CUX1: variants seen among roughly 807,000 people sequenced by gnomAD.
The protein encoded by CUX1 is cut like homeobox 1, also known as protein CASP.
Under a neutral mutation model 158.8 loss-of-function variants are expected in CUX1, and 31 were observed. That is an observed-to-expected ratio of 0.20 (90% CI 0.15 to 0.26). The LOEUF (loss-of-function observed/expected upper bound fraction) is 0.26. Ranked by LOEUF, CUX1 falls within the 10% of genes least tolerant of loss-of-function variation. The pLI is 1.00. For missense variants in CUX1, 1,589 were observed against 2,014.6 expected, an observed-to-expected ratio of 0.79 and a Z score of 4.04; for synonymous variants, 879 against 862.1, an observed-to-expected ratio of 1.02 and a Z score of -0.34.
intron 4 of CUX1, among the ~76,000 whole-genome samples, chr7:102,087,580 C>G (rs1192387315): frequency 6.7e-6 from 1 of 150,222 alleles, no homozygotes; most frequent in Non-Finnish European, 1.5e-5. Context: ...AACTCCATCT[C>G]AAAAAAAAAG....
chr7:102,248,589 C>T lies in CUX1; in HGVS notation c.4065C>T (p.Pro1355=), dbSNP rs1437210324. 2.0e-6 allele frequency: 3 copies of T among 1,479,920 alleles called. No individual in the cohort carries two copies. The highest frequency in any genetic ancestry group is 2.7e-6 in the Non-Finnish European group (3 of 1,120,026). 91.7% of individuals were successfully genotyped at this position (1,479,920 alleles called of 1,614,324 possible). The part of the protein sequence containing the change: ...EGPGSADTEE[P]KSQGEAEREE... Reference sequence around the variant, plus strand: ...CAGGCAGCGCCGACACCGAGGAGCCCAAGTCTCAGGGAGAGGCCGAGCGGG... The same window carrying T: ...CAGGCAGCGCCGACACCGAGGAGCCTAAGTCTCAGGGAGAGGCCGAGCGGG... Residue 1355 remains proline, a synonymous_variant, in exon 24 of 24, where the codon CCC becomes CCT. Coordinates refer to ENST00000292535, the MANE Select transcript of CUX1 (RefSeq NM_181552.4). The surrounding 1 kb of genome is among the most constrained non-coding windows in gnomAD (Gnocchi z 5.8).
At chr7:102,168,643 CAA>C (rs1167424159) in intron 9 of CUX1, among the ~76,000 whole-genome samples, 12 of 75,618 alleles carry the variant, frequency 1.6e-4, no homozygotes, top group Admixed American at 3.2e-4. Flanking sequence ...GGCTCTGTCT[CAA>C]AAAAAAAAAA....
chr7:101,838,973 G>C (rs1380935710), intron 1 of CUX1, among the ~76,000 whole-genome samples: 1 of 152,202 alleles, frequency 6.6e-6, no homozygotes, highest in Non-Finnish European at 1.5e-5. Flanking sequence ...GTGGTTCCTG[G>C]TGCGGGCCCT....
chr7:102,107,923 G>A (rs1554489003), intron 6 of CUX1, among the ~76,000 whole-genome samples: 5 of 152,228 alleles, frequency 3.3e-5, no homozygotes, highest in Admixed American at 1.3e-4. Flanking sequence ...GGGGGAGCGC[G>A]GCAGGGCACA....
At chr7:102,058,699 C>A (rs543202510) in intron 3 of CUX1, among the ~76,000 whole-genome samples, 1 of 152,154 alleles carries the variant, frequency 6.6e-6, no homozygotes, top group Non-Finnish European at 1.5e-5. Context: ...TATACATCTA[C>A]AATTTTTTTA....
chr7:102,257,063 G>A lies in CUX1; in HGVS notation c.*8021G>A. On this transcript the variant is annotated 3_prime_UTR_variant, in exon 24 of 24. Coordinates refer to ENST00000292535, the MANE Select transcript of CUX1 (RefSeq NM_181552.4). ...GCTGTGGCCCCAAGCTCAGCCAGCA[G>A]GACACCCAGTTGTTGCCAATCAGGT... The A allele has an allele frequency of 1.0e-6, 1 of 985,406 alleles. No homozygotes were observed. The highest frequency in any genetic ancestry group is 1.2e-6 in the Non-Finnish European group (1 of 829,974). The allele number at this position is 985,406 out of a possible 1,614,324, so 61.0% of individuals were successfully genotyped here.
chr7:101,864,164 GT>G (rs562858199), intron 1 of CUX1, among the ~76,000 whole-genome samples: 133 of 142,506 alleles, frequency 9.3e-4, no homozygotes, highest in Non-Finnish European at 9.9e-4. Context: ...TTTCTGGATT[GT>G]TTTTTTTTTT....
chr7:102,066,506 G>A (rs1167558029), intron 3 of CUX1, among the ~76,000 whole-genome samples: 1 of 152,156 alleles, frequency 6.6e-6, no homozygotes, highest in Non-Finnish European at 1.5e-5. Flanking sequence ...CCAAACAGGA[G>A]ACAGGAGGAC....
rs1801002567 is a variant in CUX1, at chr7:102,248,046, G to A, written c.3888-366G>A. On this transcript the variant is annotated intron_variant, in intron 23 of 23. Coordinates refer to ENST00000292535, the MANE Select transcript of CUX1 (RefSeq NM_181552.4). This position sits in a 1 kb window ranked among gnomAD's most constrained non-coding sequence, Gnocchi z 5.8. The stretch of plus-strand genomic sequence containing the variant: ...CTCTGGAGGCTGAGGCAGGAGAATC[G>A]CTTGAACCCAGGAGGCAGAGGTTGC... 6.6e-6 allele frequency among the ~76,000 whole-genome samples: 1 copy of A among 152,244 alleles called. No individual in the cohort carries two copies. The highest frequency in any genetic ancestry group is 2.1e-4 in the South Asian group (1 of 4,828).
At chr7:101,912,107 A>G (rs1006868869) in intron 1 of CUX1, among the ~76,000 whole-genome samples, 1 of 151,916 alleles carries the variant, frequency 6.6e-6, no homozygotes, top group African/African-American at 2.4e-5. Context: ...GGAGTTCTAG[A>G]TAGTTCTGAG....
chr7:101,931,454 ACACT>A (rs1417675552), intron 2 of CUX1, among the ~76,000 whole-genome samples: 4 of 152,218 alleles, frequency 2.6e-5, no homozygotes, highest in Non-Finnish European at 4.4e-5. Flanking sequence ...AACTAACTTA[ACACT>A]CACAGGATCC....
At chr7:101,923,310 A>G (rs1325366256) in intron 2 of CUX1, among the ~76,000 whole-genome samples, 2 of 152,234 alleles carry the variant, frequency 1.3e-5, no homozygotes, top group African/African-American at 4.8e-5. Context: ...GCTTCCAGAA[A>G]GAGCTCAGGG....
intron 8 of CUX1, among the ~76,000 whole-genome samples, chr7:102,125,372 C>T (rs575435411): frequency 1.3e-5 from 2 of 152,276 alleles, no homozygotes; most frequent in African/African-American, 2.4e-5. Context: ...AGAGTTAGGA[C>T]GGAGGCCCAG....
chr7:102,134,363 A>G (rs1212014788), intron 8 of CUX1, among the ~76,000 whole-genome samples: 4 of 152,152 alleles, frequency 2.6e-5, no homozygotes, highest in African/African-American at 9.7e-5. Context: ...AAAAATTGCA[A>G]TAACTGCACT....
At chr7:102,223,149 A>G (rs1033268771) in intron 20 of CUX1, among the ~76,000 whole-genome samples, 6 of 151,868 alleles carry the variant, frequency 4.0e-5, no homozygotes, top group Non-Finnish European at 8.8e-5. Context: ...GTGGCCGGGC[A>G]CAGTGGCTCA....
At chr7:102,174,871 A>T (rs1204412067) in intron 10 of CUX1, among the ~76,000 whole-genome samples, 1 of 152,120 alleles carries the variant, frequency 6.6e-6, no homozygotes, top group African/African-American at 2.4e-5. Flanking sequence ...AATCGCTTGA[A>T]CCTGGGAGGG....
intron 3 of CUX1, among the ~76,000 whole-genome samples, chr7:102,068,008 G>A (rs1184053199): frequency 1.3e-5 from 2 of 151,782 alleles, no homozygotes; most frequent in African/African-American, 4.8e-5. Context: ...GCAACAGAGC[G>A]AGCCTCCATC....
rs1689403066 is a variant in CUX1, at chr7:102,201,429, A to G, written c.2132A>G (p.Gln711Arg). Reference sequence around the variant, plus strand: ...GATGACGCCATCCGCTCCATCCTGCAGCAAGCCCGCCGGGAGATGGAGGCC... The same window carrying G: ...GATGACGCCATCCGCTCCATCCTGCGGCAAGCCCGCCGGGAGATGGAGGCC... ...NSDDAIRSIL[Q>R]QARREMEAQQ... The change falls in exon 18 of 24, where the codon CAG (glutamine) becomes CGG (arginine). Residue 711 changes from glutamine to arginine, a missense_variant. Gln to Arg is a conservative substitution (Grantham distance 43, BLOSUM62 1). Coordinates refer to ENST00000292535, the MANE Select transcript of CUX1 (RefSeq NM_181552.4). The surrounding 1 kb of genome is among the most constrained non-coding windows in gnomAD (Gnocchi z 5.0). 1.2e-6 allele frequency: 2 copies of G among 1,614,104 alleles called. No individual in the cohort carries two copies. The highest frequency in any genetic ancestry group is 1.7e-6 in the Non-Finnish European group (2 of 1,180,020).
At chr7:102,210,014 G>A (rs1162268754) in intron 20 of CUX1, among the ~76,000 whole-genome samples, 1 of 152,128 alleles carries the variant, frequency 6.6e-6, no homozygotes, top group Non-Finnish European at 1.5e-5. Flanking sequence ...AGCCTCCTGA[G>A]TAGCTGGGAC....
Sources: gnomAD v4.1 joint callset for allele counts (sites outside exome capture counted in the v4.1 genomes callset) on GRCh38, gnomAD v4.1.1 for gene constraint, Gnocchi (gnomAD v3.1) non-coding constraint, MANE v1.5 for transcripts, NCBI Gene and HGNC (gene_info 2026-07-23, HGNC 2026-07-21) for gene names.